Variants in SLC4A4 observed in about 807,000 individuals in gnomAD.
SLC4A4 encodes the protein electrogenic sodium bicarbonate cotransporter 1.
In SLC4A4, 27 loss-of-function variants were observed where a neutral mutation model predicts 111.5. That is an observed-to-expected ratio of 0.24 (90% CI 0.18 to 0.33). The LOEUF (loss-of-function observed/expected upper bound fraction) is 0.33. SLC4A4 is among the 10% of genes least tolerant of loss of function. The probability of loss-of-function intolerance (pLI) is 1.00; values close to 1 mark genes in which losing one functional copy is unlikely to be tolerated. For synonymous variants in SLC4A4, 443 were observed against 463.4 expected (o/e 0.96, Z 0.57); for missense variants, 909 against 1,315.5 (o/e 0.69, Z 4.78).
At chr4:71,109,722 TA>T (rs1218229028) in intron 2 of SLC4A4, among the ~76,000 whole-genome samples, 4 of 152,002 alleles carry the variant, frequency 2.6e-5, no homozygotes, top group Admixed American at 2.0e-4. Flanking sequence ...TTTGTATTTT[TA>T]ATAGAGATGG....
intron 4 of SLC4A4, among the ~76,000 whole-genome samples, chr4:71,339,729 A>G (rs1052618504): frequency 3.6e-4 from 55 of 152,142 alleles, no homozygotes; most frequent in African/African-American, 1.3e-3. Context: ...TCATTGATCC[A>G]TGTTGCTATA....
chr4:71,230,859 C>T (rs1408713353), intron 1 of SLC4A4, among the ~76,000 whole-genome samples: 1 of 152,168 alleles, frequency 6.6e-6, no homozygotes, highest in African/African-American at 2.4e-5. Context: ...GTTTCACTTC[C>T]CCTGAGCTCA....
intron 16 of SLC4A4, among the ~76,000 whole-genome samples, chr4:71,512,357 T>A (rs1320931335): frequency 2.6e-5 from 4 of 152,192 alleles, no homozygotes; most frequent in Non-Finnish European, 5.9e-5. Context: ...TAAGATGATA[T>A]CTCATTGTAG....
chr4:71,247,414 A>G (rs1233007614), intron 2 of SLC4A4, among the ~76,000 whole-genome samples: 3 of 151,520 alleles, frequency 2.0e-5, no homozygotes, highest in South Asian at 2.1e-4. Flanking sequence ...TGTATTGACT[A>G]TATTGCAGAT....
intron 1 of SLC4A4, among the ~76,000 whole-genome samples, chr4:71,071,150 A>G (rs1239004527): frequency 6.6e-6 from 1 of 151,862 alleles, no homozygotes; most frequent in Non-Finnish European, 1.5e-5. Context: ...ACACTCCTGT[A>G]CTCCCAGCTA....
chr4:71,344,633 T>C (rs1039502473), intron 4 of SLC4A4, among the ~76,000 whole-genome samples: 2 of 152,160 alleles, frequency 1.3e-5, no homozygotes, highest in Non-Finnish European at 2.9e-5. Flanking sequence ...TCCAGCTCCA[T>C]GTAGGTTCTG....
At chr4:71,401,496 T>A (rs901022071) in intron 7 of SLC4A4, among the ~76,000 whole-genome samples, 71 of 152,330 alleles carry the variant, frequency 4.7e-4, no homozygotes, top group Admixed American at 1.3e-3. Flanking sequence ...TCTTCTATTT[T>A]GTTGCTATGG....
intron 12 of SLC4A4, among the ~76,000 whole-genome samples, chr4:71,462,022 C>G (rs1726879894): frequency 6.6e-6 from 1 of 152,008 alleles, no homozygotes; most frequent in Admixed American, 6.6e-5. Context: ...TTACCTGTTT[C>G]TTCTGAAGAC....
Position 71,339,389 on chromosome 4 carries a change from C to T in SLC4A4, c.273C>T (p.Arg91=), listed in dbSNP as rs1167715407. Residue 91 remains arginine (R), a synonymous_variant, in exon 4 of 26, where the codon CGC becomes CGT. Coordinates refer to ENST00000264485, the MANE Select transcript of SLC4A4 (RefSeq NM_001098484.3). ...CTGCAGTCTCTCCTGCTGCAGAACG[C>T]ATCCGATTCATCTTGGGAGAGGAGG... ...LKPLISPAAE[R]IRFILGEEDD... The T allele has an allele frequency of 2.5e-5, 40 of 1,614,048 alleles. No individual in the cohort carries two copies. The highest frequency in any genetic ancestry group is 3.2e-5 in the Non-Finnish European group (38 of 1,180,034).
chr4:71,180,694 G>T (rs1192534655), intron 2 of SLC4A4, among the ~76,000 whole-genome samples: 1 of 152,174 alleles, frequency 6.6e-6, no homozygotes, highest in Non-Finnish European at 1.5e-5. Context: ...AAAAAGTCAG[G>T]AAACAACAGG....
At chr4:71,131,495 G>C (rs1360503251) in intron 2 of SLC4A4, among the ~76,000 whole-genome samples, 1 of 152,154 alleles carries the variant, frequency 6.6e-6, no homozygotes, top group Non-Finnish European at 1.5e-5. Flanking sequence ...ACATTTCAAG[G>C]TTCTAATTAG....
chr4:71,329,462 T>A (rs1320857160), intron 3 of SLC4A4, among the ~76,000 whole-genome samples: 2 of 152,330 alleles, frequency 1.3e-5, no homozygotes, highest in East Asian at 3.9e-4. Flanking sequence ...ACATGGAATA[T>A]CTTTCCATTT....
At chr4:71,477,911 C>T (rs1728515112) in intron 14 of SLC4A4, among the ~76,000 whole-genome samples, 1 of 151,674 alleles carries the variant, frequency 6.6e-6, no homozygotes, top group African/African-American at 2.4e-5. Context: ...AAAATTTAAA[C>T]AAATTTACAA....
intron 2 of SLC4A4, among the ~76,000 whole-genome samples, chr4:71,163,851 A>T (rs1744668514): frequency 2.0e-5 from 3 of 152,212 alleles, no homozygotes; most frequent in Admixed American, 2.0e-4. Flanking sequence ...TTTACAGAAA[A>T]AGTCTGGCAA....
chr4:71,352,953 G>T (rs1230261130), intron 5 of SLC4A4, among the ~76,000 whole-genome samples: 1 of 152,296 alleles, frequency 6.6e-6, no homozygotes, highest in East Asian at 1.9e-4. Flanking sequence ...CTTGGATGTT[G>T]CTGTAAAACT....
intron 6 of SLC4A4, among the ~76,000 whole-genome samples, chr4:71,395,526 CTG>C (rs1001308284): frequency 6.6e-6 from 1 of 152,128 alleles, no homozygotes. Context: ...CATACTATCA[CTG>C]TCTTTCAGAA....
In SLC4A4 at chr4:71,387,353, G is replaced by A. The variant is rs190953101; in HGVS notation, c.731-10224G>A. ...GGTCTTCTATCTGTTCTTTTCATTG[G>A]TGTGGCTTTATACTTTTGTAAAAAG... is the stretch of plus-strand genomic sequence containing the variant. On this transcript the variant is annotated intron_variant, in intron 6 of 25. Transcript: ENST00000264485. Among the ~76,000 whole-genome samples the A allele has an allele frequency of 1.6e-4, 24 of 151,990 alleles. No individual in the cohort carries two copies. The East Asian group carries it at 2.7e-3, about 17-fold the overall frequency.
chr4:71,335,653 G>A (rs763644774), intron 3 of SLC4A4, among the ~76,000 whole-genome samples: 1 of 152,124 alleles, frequency 6.6e-6, no homozygotes, highest in Non-Finnish European at 1.5e-5. Flanking sequence ...GTGAAACCCC[G>A]TCTCTACTAA....
At chr4:71,234,487 G>A (rs1260461367) in intron 1 of SLC4A4, among the ~76,000 whole-genome samples, 3 of 152,166 alleles carry the variant, frequency 2.0e-5, no homozygotes, top group South Asian at 2.1e-4. Flanking sequence ...GTGCAGTGGC[G>A]CTATCTCGGC....
Sources: allele counts gnomAD v4.1 joint callset (sites outside exome capture counted in the v4.1 genomes callset), GRCh38; gene constraint gnomAD v4.1.1; transcripts MANE v1.5; gene names NCBI Gene and HGNC (gene_info 2026-07-23, HGNC 2026-07-21).